ZNF335: variants seen among roughly 807,000 people sequenced by gnomAD.
ZNF335 encodes the protein zinc finger protein 335.
In ZNF335, 84 loss-of-function variants were observed where a neutral mutation model predicts 145.6. The ratio of observed to expected loss-of-function variants is 0.58; its 90% CI spans 0.48 to 0.69. The LOEUF is 0.69. ZNF335 is among the 30% of genes least tolerant of loss of function. The pLI, the probability that ZNF335 is intolerant of heterozygous loss-of-function variation, is 0.00. For missense variants in ZNF335, 1,865 were observed against 1,809.7 expected, an observed-to-expected ratio of 1.03 and a Z score of -0.55; for synonymous variants, 761 against 717.0, an observed-to-expected ratio of 1.06 and a Z score of -0.98.
intron 17 of ZNF335, 63 bp downstream of exon 17, chr20:45,957,523 G>A (rs2083750627): frequency 6.7e-7 from 1 of 1,486,972 alleles, no homozygotes; most frequent in African/African-American, 1.4e-5. Context: ...TAGTCCCAGT[G>A]TCCAGTGCAG....
chr20:45,964,327 T>C (rs924024164), intron 7 of ZNF335: 4 of 231,616 alleles, frequency 1.7e-5, no homozygotes, highest in African/African-American at 6.8e-5. Flanking sequence ...CGGAGTCTCA[T>C]TTGCCCCATT....
In ZNF335 at chr20:45,959,280, GAGA is replaced by G. The variant is rs773283542; in HGVS notation, c.2171_2173del (p.Phe724del). ...CTTCAGCTCCTCAATCTGCTGCAGA[GAGA>G]AGAAGGGGCGACGGCGGGAGGGGGG... On this transcript the variant is annotated inframe_deletion, in exon 15 of 28. Transcript: ENST00000322927. The G allele has an allele frequency of 2.5e-5, 38 of 1,546,710 alleles. No individual in the cohort carries two copies. Among genetic ancestry groups the G allele is most frequent in the Non-Finnish European group, 3.2e-5 (36 of 1,141,874 alleles).
In ZNF335 at chr20:45,949,008, T is replaced by C. The variant is rs2083575698; in HGVS notation, c.3974A>G (p.Gln1325Arg). The change falls in exon 28 of 28, where the codon CAA becomes CGA. Residue 1325 changes from glutamine (Q) to arginine (R), a missense_variant. By Grantham distance (43) the Gln-to-Arg change is conservative (BLOSUM62 1). Coordinates refer to ENST00000322927, the MANE Select transcript of ZNF335 (RefSeq NM_022095.4). ...GTDETVPEHI[Q>R]QLQHQGIEYD... The stretch of plus-strand genomic sequence containing the variant: ...CTCGATGCCCTGGTGCTGCAGCTGT[T>C]GAATGTGTTCGGGCACTGTCTCGTC... 6.2e-7 allele frequency: 1 copy of C among 1,613,788 alleles called. No homozygotes were observed. The highest frequency in any genetic ancestry group is 1.3e-5 in the African/African-American group (1 of 74,916).
At chr20:45,967,700 T>C (rs763779819) in intron 5 of ZNF335, 34 bp downstream of exon 5, 4 of 1,608,914 alleles carry the variant, frequency 2.5e-6, no homozygotes, top group Non-Finnish European at 3.4e-6. Context: ...CCCCTACCCA[T>C]GCAGTCCAAG....
At chr20:45,966,933 C>G (rs1282984912) in intron 6 of ZNF335, 1 of 154,142 alleles carries the variant, frequency 6.5e-6, no homozygotes, top group African/African-American at 2.4e-5. Flanking sequence ...GGCACAATTA[C>G]AGTTCACTGC....
chr20:45,950,335 C>A lies in ZNF335; in HGVS notation c.3371G>T (p.Arg1124Leu). 2 of 1,582,560 alleles carry A rather than the reference C, an allele frequency of 1.3e-6. No individual in the cohort carries two copies. Among genetic ancestry groups the A allele is most frequent in the Admixed American group, 1.7e-5 (1 of 58,470 alleles). Residue 1124 changes from arginine (R) to leucine (L), a missense_variant, in exon 22 of 28, where the codon CGG becomes CTG. Arg to Leu is a moderately radical substitution (Grantham distance 102). Transcript: ENST00000322927. ...RNGHLKFHIQ[R>L]LHSPDGRKSG... ...CTTCCTCCCATCAGGACTGTGCAGC[C>A]GCTGGATGTGGAACTTGAGGTGCCC...
chr20:45,952,905 A>C (rs1246071454), intron 18 of ZNF335, among the ~76,000 whole-genome samples, 196 bp from the exon 19 acceptor site: 2 of 152,158 alleles, frequency 1.3e-5, no homozygotes, highest in African/African-American at 4.8e-5. Flanking sequence ...CAACTCAAGC[A>C]TGGGTCCTTC....
rs148585800 is a variant in ZNF335, at chr20:45,950,319, A to G, written c.3387T>C (p.Asp1129=). Residue 1129 remains aspartate (D), a synonymous_variant, in exon 22 of 28, where the codon GAT becomes GAC. Coordinates refer to ENST00000322927, the MANE Select transcript of ZNF335 (RefSeq NM_022095.4). ...KFHIQRLHSP[D]GRKSGTPTAR... ...CTGTAGGGGTTCCTGACTTCCTCCC[A>G]TCAGGACTGTGCAGCCGCTGGATGT... 1.8e-5 allele frequency: 28 copies of G among 1,578,068 alleles called. No individual in the cohort carries two copies. The African/African-American group carries it at 2.8e-4, about 16-fold the overall frequency.
chr20:45,972,075 T>C, intron 1 of ZNF335, 47 bp downstream of exon 1: 1 of 1,285,390 alleles, frequency 7.8e-7, no homozygotes, highest in Non-Finnish European at 1.0e-6. Context: ...GTGACCTCAC[T>C]CCACGGCAGG....
Position 45,959,304 on chromosome 20 carries a change from G to T in ZNF335, c.2150C>A (p.Pro717His), listed in dbSNP as rs374080544. ...EWGRRHPEEP[P>H]SRRRPFFSLQ... is the part of the protein sequence containing the mutation. ...AGAGAAGAAGGGGCGACGGCGGGAG[G>T]GGGGCTCCTCAGGGTGGCGCCTCCC... The change falls in exon 15 of 28, where the codon CCC (proline) becomes CAC (histidine). Residue 717 changes from proline to histidine, a missense_variant. Coordinates refer to ENST00000322927, the MANE Select transcript of ZNF335 (RefSeq NM_022095.4). The T allele has an allele frequency of 1.9e-6, 3 of 1,569,432 alleles. No individual in the cohort carries two copies. The African/African-American group carries it at 4.1e-5, about 21-fold the overall frequency.
Position 45,952,435 on chromosome 20 carries a change from C to A in ZNF335, c.2901G>T (p.Leu967=). 1 of 1,569,206 alleles carries A rather than the reference C, an allele frequency of 6.4e-7. No homozygotes were observed. The highest frequency in any genetic ancestry group is 8.7e-7 in the Non-Finnish European group (1 of 1,154,842). The change falls in exon 20 of 28, where the codon CTG becomes CTT. Residue 967 remains leucine, a synonymous_variant. Transcript: ENST00000322927. ...AKWPLLQCGG[L]PRDGPEPPSP... Reference sequence around the variant, plus strand: ...ATGGGGGCTCAGGGCCGTCTCTGGGCAGTCCCCCACACTGCAGCAGGGGCC... The same window carrying A: ...ATGGGGGCTCAGGGCCGTCTCTGGGAAGTCCCCCACACTGCAGCAGGGGCC...
In ZNF335 at chr20:45,959,366, G is replaced by T; in HGVS notation, c.2088C>A (p.His696Gln). ...AGCTGCTTGCGTGTCGGCACCGTAC[G>T]TGCAGGCGCAGGTTCTTCTTGTGCC... ...STRHKKNLRL[H>Q]VRCRHASSFE... Residue 696 changes from histidine to glutamine, a missense_variant, in exon 15 of 28, where the codon CAC (histidine) becomes CAA (glutamine). Transcript: ENST00000322927. 2.5e-6 allele frequency: 4 copies of T among 1,581,496 alleles called. No individual in the cohort carries two copies. The highest frequency in any genetic ancestry group is 3.4e-6 in the Non-Finnish European group (4 of 1,160,108).
Position 45,950,040 on chromosome 20 carries a change from C to G in ZNF335, c.3517G>C (p.Gly1173Arg). The G allele has an allele frequency of 6.2e-7, 1 of 1,613,944 alleles. No individual in the cohort carries two copies. The highest frequency in any genetic ancestry group is 1.7e-5 in the Admixed American group (1 of 60,008). The change falls in exon 23 of 28, where the codon GGC becomes CGC. Residue 1173 changes from glycine to arginine, a missense_variant. Gly to Arg is a moderately radical substitution (Grantham distance 125, BLOSUM62 -2). Transcript: ENST00000322927. ...AGTGCCTGCTGTAGCCGCTCTGGGC[C>G]CAGGACCCCGTGACTGGACTGGAGT... is the stretch of plus-strand genomic sequence containing the variant. Reference protein sequence around the residue: ...TALQSSHGVLGPERLQQALSQ... With the variant: ...TALQSSHGVLRPERLQQALSQ...
At chr20:45,952,123 G>C (rs1252727655) in intron 20 of ZNF335, 24 bp downstream of exon 20, 2 of 1,565,176 alleles carry the variant, frequency 1.3e-6, no homozygotes, top group East Asian at 2.3e-5. Flanking sequence ...TGACAGCAGA[G>C]ACACAGGAGC....
chr20:45,953,462 C>T (rs1941261289), intron 18 of ZNF335, among the ~76,000 whole-genome samples: 1 of 152,206 alleles, frequency 6.6e-6, no homozygotes, highest in African/African-American at 2.4e-5. Flanking sequence ...ATCTGGGTCT[C>T]ATGGGAATGG....
At chr20:45,969,380 A>G (rs1194316210) in intron 3 of ZNF335, 71 bp downstream of exon 3, 1 of 1,433,170 alleles carries the variant, frequency 7.0e-7, no homozygotes, top group Admixed American at 2.4e-5. Flanking sequence ...GAGTTCACAC[A>G]GCTAGGGTGG....
chr20:45,952,535 G>A lies in ZNF335; in HGVS notation c.2815-14C>T, dbSNP rs759870717. 7 of 1,600,324 alleles carry A rather than the reference G, an allele frequency of 4.4e-6. No individual in the cohort carries two copies. In the African/African-American group the frequency reaches 6.7e-5, roughly 15 times the overall value. ...ATCTGCGGTGAGCTGTAGAGAGACA[G>A]GGAGCATGAGGTACTGAGAAGGGGA... On this transcript the variant is annotated splice_polypyrimidine_tract_variant and intron_variant, in intron 19 of 27. Coordinates refer to ENST00000322927, the MANE Select transcript of ZNF335 (RefSeq NM_022095.4).
intron 17 of ZNF335, among the ~76,000 whole-genome samples, chr20:45,956,705 C>T (rs981664999): frequency 6.6e-6 from 1 of 151,382 alleles, no homozygotes; most frequent in African/African-American, 2.4e-5. Context: ...GAAGATACCA[C>T]GTCGGATGAC....
intron 15 of ZNF335, among the ~76,000 whole-genome samples, chr20:45,958,369 C>T (rs999577901): frequency 6.6e-6 from 1 of 152,188 alleles, no homozygotes; most frequent in African/African-American, 2.4e-5. Flanking sequence ...TCAAAATATA[C>T]GAGCTCAGTG....
Sources: gnomAD v4.1 joint callset for allele counts (sites outside exome capture counted in the v4.1 genomes callset) on GRCh38, gnomAD v4.1.1 for gene constraint, MANE v1.5 for transcripts, NCBI Gene and HGNC (gene_info 2026-07-23, HGNC 2026-07-21) for gene names.